Variants in KANSL2 observed in about 807,000 individuals in gnomAD.
The protein encoded by KANSL2 is KAT8 regulatory NSL complex subunit 2, also known as NSL complex protein NSL2.
Under a neutral mutation model 55.6 loss-of-function variants are expected in KANSL2, and 34 were observed. The observed-to-expected ratio is 0.61, with a 90% CI of 0.46 to 0.81. KANSL2 has a LOEUF of 0.81. Ranked by LOEUF, KANSL2 falls within the 40% of genes least tolerant of loss-of-function variation. KANSL2 has a pLI of 0.00. For missense variants in KANSL2, 502 were observed against 609.9 expected (o/e 0.82, Z 1.86); for synonymous variants, 209 against 214.3 (o/e 0.98, Z 0.22).
chr12:48,669,166 G>C lies in KANSL2; in HGVS notation c.816C>G (p.Ala272=). ...RRYRQRYGVE[A]LLHRQLKERR... is the part of the protein sequence containing the mutation. ...GTTCCTTCAACTGCCTATGCAGTAA[G>C]GCTTCCACTCCATAGCGCTGGCGGT... is the stretch of plus-strand genomic sequence containing the variant. Residue 272 remains alanine, a synonymous_variant, in exon 6 of 10, where the codon GCC becomes GCG. Transcript: ENST00000420613. 1 of 1,552,086 alleles carries C rather than the reference G, an allele frequency of 6.4e-7. No individual in the cohort carries two copies.
At chr12:48,664,277 CA>C (rs1169262699) in intron 7 of KANSL2, among the ~76,000 whole-genome samples, 1 of 102,800 alleles carries the variant, frequency 9.7e-6, no homozygotes, top group Non-Finnish European at 2.1e-5. Flanking sequence ...ATGTTTTAAG[CA>C]ATTTTTTTTT....
chr12:48,681,300 G>A (rs1007022805), intron 2 of KANSL2, 82 bp downstream of exon 2: 18 of 1,468,068 alleles, frequency 1.2e-5, no homozygotes, highest in Non-Finnish European at 1.5e-5. Context: ...AATCTCAAAC[G>A]CGGCAGCTAT....
At chr12:48,674,430 G>A (rs10783274) in intron 4 of KANSL2, among the ~76,000 whole-genome samples, 44,526 of 152,118 alleles carry the variant, frequency 0.29, 7,584 homozygotes, top group East Asian at 0.76. Context: ...GATTACAGGC[G>A]TGAGCCACTG....
At chr12:48,678,580 G>A (rs2137205034) in intron 4 of KANSL2, among the ~76,000 whole-genome samples, 1 of 152,176 alleles carries the variant, frequency 6.6e-6, no homozygotes, top group Middle Eastern at 3.4e-3. Flanking sequence ...CCCATACATT[G>A]TACAATTGTC....
At chr12:48,664,699 G>C (rs1408754296) in intron 7 of KANSL2, among the ~76,000 whole-genome samples, 7 of 147,784 alleles carry the variant, frequency 4.7e-5, no homozygotes, top group African/African-American at 1.5e-4. Context: ...CTCTGCCTCA[G>C]CCTCCCAAGT....
At chr12:48,662,289 G>A (rs983782270) in intron 7 of KANSL2, among the ~76,000 whole-genome samples, 2 of 152,214 alleles carry the variant, frequency 1.3e-5, no homozygotes, top group African/African-American at 4.8e-5. Flanking sequence ...ACTTCTAGTA[G>A]AGACAGGGTT....
chr12:48,655,156 T>A (rs552003382), intron 8 of KANSL2, 96 bp from the exon 9 acceptor site: 1 of 1,217,874 alleles, frequency 8.2e-7, no homozygotes, highest in South Asian at 1.5e-5. Context: ...CTCTGCTGTC[T>A]CCCTCAACCC....
Position 48,672,435 on chromosome 12 carries a change from T to TATATA in KANSL2, c.546-474_546-473insTATAT, listed in dbSNP as rs1418549166. ...TATATATATATATATATATATATAT[T>TATATA]TTTTTTTTGAGATAAGGTCTCACTC... On this transcript the variant is annotated intron_variant, in intron 4 of 9. Transcript: ENST00000420613. Among the ~76,000 whole-genome samples, 3 of 104,890 alleles carry TATATA rather than the reference T, an allele frequency of 2.9e-5. No homozygotes were observed. The East Asian group carries it at 1.3e-3, about 44-fold the overall frequency. 68.8% of individuals were successfully genotyped at this position (104,890 alleles called of 152,430 possible). A position where few individuals can be genotyped will look rare whatever the true frequency, so the allele number is the denominator to read the frequency against.
intron 5 of KANSL2, 132 bp from the exon 6 acceptor site, chr12:48,669,404 G>C: frequency 1.6e-6 from 1 of 631,048 alleles, no homozygotes; most frequent in East Asian, 2.8e-5. Flanking sequence ...CCCAATCCAG[G>C]TACCAAGACA....
chr12:48,669,254 C>A lies in KANSL2; in HGVS notation c.728G>T (p.Gly243Val). 1 of 1,573,414 alleles carries A rather than the reference C, an allele frequency of 6.4e-7. No homozygotes were observed. ...TTCTTTGGCCAAAAGTCCCTCTGGG[C>A]CAGTCAGGAGACTACTGCCTAGAGT... ...HEALGSSLLT[G>V]PEGLLAKERE... is the part of the protein sequence containing the mutation. The change falls in exon 6 of 10, where the codon GGC becomes GTC. Residue 243 changes from glycine (G) to valine (V), a missense_variant. Coordinates refer to ENST00000420613, the MANE Select transcript of KANSL2 (RefSeq NM_017822.4).
intron 9 of KANSL2, 104 bp downstream of exon 9, chr12:48,654,837 A>G: frequency 1.7e-6 from 2 of 1,179,800 alleles, no homozygotes; most frequent in Non-Finnish European, 2.4e-6. Context: ...TATACTAGTG[A>G]TGACACCCCA....
At chr12:48,680,718 T>G (rs1006027191) in intron 2 of KANSL2, among the ~76,000 whole-genome samples, 1 of 152,142 alleles carries the variant, frequency 6.6e-6, no homozygotes, top group Non-Finnish European at 1.5e-5. Context: ...GGCTCACTCC[T>G]GTAATCCCAA....
chr12:48,661,276 C>T, intron 7 of KANSL2: 1 of 862,872 alleles, frequency 1.2e-6, no homozygotes, highest in Non-Finnish European at 1.4e-6. Context: ...TGTATGAAGG[C>T]CCATTGAAAA....
chr12:48,662,333 G>GACCTCAGGTGATCAGCCC (rs1939503050), intron 7 of KANSL2, among the ~76,000 whole-genome samples: 2 of 152,188 alleles, frequency 1.3e-5, no homozygotes, highest in South Asian at 4.1e-4. Context: ...TCTAACTCCT[G>GACCTCAGGTGATCAGCCC]ACCTCAGGTG....
intron 6 of KANSL2, among the ~76,000 whole-genome samples, chr12:48,668,070 C>A (rs1939636326): frequency 6.6e-6 from 1 of 152,116 alleles, no homozygotes; most frequent in Admixed American, 6.6e-5. Context: ...GAAATTGCAG[C>A]CTTAAGTGGA....
chr12:48,658,702 A>G (rs1412393287), intron 8 of KANSL2: 3 of 152,264 alleles, frequency 2.0e-5, no homozygotes, highest in African/African-American at 7.2e-5. Flanking sequence ...GGTTGCAGTG[A>G]GCCGAGATCG....
At chr12:48,672,409 G>GTA (rs10622680) in intron 4 of KANSL2, among the ~76,000 whole-genome samples, 23,232 of 122,578 alleles carry the variant, frequency 0.19, 2,703 homozygotes, top group East Asian at 0.46. Flanking sequence ...ATATATATAC[G>GTA]TATATATATA....
Position 48,671,891 on chromosome 12 carries a change from A to G in KANSL2, c.617T>C (p.Leu206Ser). 1 of 1,612,184 alleles carries G rather than the reference A, an allele frequency of 6.2e-7. No homozygotes were observed. Among genetic ancestry groups the G allele is most frequent in the Non-Finnish European group, 8.5e-7 (1 of 1,178,616 alleles). Reference sequence around the variant, plus strand: ...AAGTCGTTTAAACTGATCAATATACAACGACTGCAAACGAATTAGCTTTTC... The same window carrying G: ...AAGTCGTTTAAACTGATCAATATACGACGACTGCAAACGAATTAGCTTTTC... ...MREKLIRLQS[L>S]YIDQFKRLQH... Residue 206 changes from leucine to serine, a missense_variant, in exon 5 of 10, where the codon TTG becomes TCG. Coordinates refer to ENST00000420613, the MANE Select transcript of KANSL2 (RefSeq NM_017822.4).
chr12:48,668,224 T>TTAAAACAAGATTCCCAAGCA (rs1341693574), intron 6 of KANSL2, among the ~76,000 whole-genome samples: 3 of 152,198 alleles, frequency 2.0e-5, no homozygotes, highest in Admixed American at 2.0e-4. Flanking sequence ...TTCCCACCTT[T>TTAAAACAAGATTCCCAAGCA]TAAAACAAGA....
Sources: allele counts gnomAD v4.1 joint callset (sites outside exome capture counted in the v4.1 genomes callset), GRCh38; gene constraint gnomAD v4.1.1; transcripts MANE v1.5; gene names NCBI Gene and HGNC (gene_info 2026-07-23, HGNC 2026-07-21).